RGS6: variants seen among roughly 807,000 people sequenced by gnomAD.
RGS6 encodes the protein regulator of G protein signaling 6, also known as regulator of G-protein signaling 6.
In RGS6, 30 loss-of-function variants were observed where a neutral mutation model predicts 78.5. The observed-to-expected ratio is 0.38, with a 90% confidence interval of 0.29 to 0.52. The LOEUF is 0.52. Among genes scored for constraint, RGS6 ranks in the 20% least tolerant of loss-of-function variants. The pLI is 0.85. For synonymous variants in RGS6, 206 were observed against 206.0 expected (o/e 1.00, Z 0.00); for missense variants, 495 against 609.7 (o/e 0.81, Z 1.98).
At chr14:72,422,036 T>A (rs998357247) in intron 3 of RGS6, among the ~76,000 whole-genome samples, 3 of 152,168 alleles carry the variant, frequency 2.0e-5, no homozygotes, top group African/African-American at 7.2e-5. Context: ...ATGCTGTTCT[T>A]GTGATACAGA....
intron 15 of RGS6, among the ~76,000 whole-genome samples, chr14:72,529,754 C>T (rs117762159): frequency 0.013 from 1,971 of 152,288 alleles, 22 homozygotes; most frequent in Non-Finnish European, 0.02. Context: ...ACCACCATTC[C>T]CCACTTGTAG....
chr14:72,137,029 A>G (rs2096454840), intron 2 of RGS6, among the ~76,000 whole-genome samples: 1 of 152,122 alleles, frequency 6.6e-6, no homozygotes, highest in Admixed American at 6.5e-5. Flanking sequence ...CCTCTCTATA[A>G]TCCCAATCCT....
chr14:72,006,469 A>G (rs2084580710), intron 2 of RGS6, among the ~76,000 whole-genome samples: 2 of 152,178 alleles, frequency 1.3e-5, no homozygotes, highest in Non-Finnish European at 2.9e-5. Flanking sequence ...CCACTAACCT[A>G]TGGAAAGCTA....
At chr14:72,483,483 T>A (rs2096423288) in intron 12 of RGS6, among the ~76,000 whole-genome samples, 1 of 152,090 alleles carries the variant, frequency 6.6e-6, no homozygotes, top group Non-Finnish European at 1.5e-5. Flanking sequence ...TGACCCTCAG[T>A]GATCATGAAA....
At chr14:72,424,748 A>G (rs1425439187) in intron 3 of RGS6, among the ~76,000 whole-genome samples, 1 of 152,312 alleles carries the variant, frequency 6.6e-6, no homozygotes, top group East Asian at 1.9e-4. Context: ...TCTTGTTTAT[A>G]TGGATTTTAT....
At chr14:72,268,944 C>G (rs564922254) in intron 2 of RGS6, among the ~76,000 whole-genome samples, 20 of 152,302 alleles carry the variant, frequency 1.3e-4, no homozygotes, top group African/African-American at 4.8e-4. Flanking sequence ...ACACTGCTGG[C>G]AATTCGACCT....
At chr14:72,536,577 T>C (rs2097254142) in intron 16 of RGS6, among the ~76,000 whole-genome samples, 1 of 152,002 alleles carries the variant, frequency 6.6e-6, no homozygotes, top group African/African-American at 2.4e-5. Context: ...TGGCTCAGCA[T>C]AGGAGTGCAG....
intron 3 of RGS6, among the ~76,000 whole-genome samples, chr14:72,454,247 C>T (rs935587440): frequency 6.6e-6 from 1 of 152,160 alleles, no homozygotes; most frequent in Non-Finnish European, 1.5e-5. Flanking sequence ...CTTCACCTAG[C>T]ACGTCTCAGG....
chr14:72,056,610 C>T (rs1241978382), intron 2 of RGS6, among the ~76,000 whole-genome samples: 2 of 152,180 alleles, frequency 1.3e-5, no homozygotes, highest in Non-Finnish European at 2.9e-5. Context: ...TATTTCTAAA[C>T]TCATGTACAA....
At chr14:72,201,571 C>T (rs2041597083) in intron 2 of RGS6, among the ~76,000 whole-genome samples, 1 of 152,172 alleles carries the variant, frequency 6.6e-6, no homozygotes, top group Non-Finnish European at 1.5e-5. Context: ...CTACAAGAAT[C>T]TTAATTAAAG....
intron 2 of RGS6, among the ~76,000 whole-genome samples, chr14:72,020,699 A>G (rs2153272974): frequency 6.6e-6 from 1 of 152,240 alleles, no homozygotes; most frequent in South Asian, 2.1e-4. Flanking sequence ...AAGCACTTTA[A>G]TAACAATAAC....
intron 2 of RGS6, among the ~76,000 whole-genome samples, chr14:72,058,886 T>C (rs1025163416): frequency 7.9e-5 from 12 of 152,154 alleles, no homozygotes; most frequent in African/African-American, 2.7e-4. Flanking sequence ...TATCAGCCAC[T>C]TCACAGCTGC....
At chr14:72,071,375 T>C (rs771095732) in intron 2 of RGS6, among the ~76,000 whole-genome samples, 6 of 152,238 alleles carry the variant, frequency 3.9e-5, no homozygotes, top group Admixed American at 6.5e-5. Context: ...CGTACATGTC[T>C]TCTGGTGCAT....
intron 2 of RGS6, among the ~76,000 whole-genome samples, chr14:72,096,187 T>C (rs538361164): frequency 6.6e-6 from 1 of 151,714 alleles, no homozygotes; most frequent in African/African-American, 2.4e-5. Flanking sequence ...GGAGGGAGAA[T>C]TGCTTGAACC....
chr14:72,547,186 AGCAGCAGCACC>A (rs1464910853), intron 17 of RGS6: 4 of 1,534,974 alleles, frequency 2.6e-6, no homozygotes, highest in Non-Finnish European at 1.7e-6. Context: ...CTGTCCGGGG[AGCAGCAGCACC>A]GCAGCAGAGG....
At chr14:72,165,846 C>G (rs1380301308) in intron 2 of RGS6, among the ~76,000 whole-genome samples, 2 of 152,066 alleles carry the variant, frequency 1.3e-5, no homozygotes, top group East Asian at 3.9e-4. Context: ...TGTGTTTATT[C>G]TGCAAGTTAA....
chr14:72,354,790 C>CAA (rs2079907274), intron 3 of RGS6, among the ~76,000 whole-genome samples: 3 of 152,050 alleles, frequency 2.0e-5, no homozygotes, highest in African/African-American at 7.2e-5. Context: ...ACGTTCAGTC[C>CAA]AAAATAGAGC....
At chr14:72,517,087 G>A (rs552663208) in intron 14 of RGS6, among the ~76,000 whole-genome samples, 32 of 151,210 alleles carry the variant, frequency 2.1e-4, no homozygotes, top group Middle Eastern at 3.4e-3. Context: ...CATGCACTTG[G>A]CTCCAAAGAC....
the RGS6 span, among the ~76,000 whole-genome samples, chr14:72,572,619 G>C: frequency 6.6e-6 from 1 of 152,176 alleles, no homozygotes; most frequent in Non-Finnish European, 1.5e-5. Flanking sequence ...ACAGAAAGTA[G>C]ACTAGTTGTT....
Sources: allele counts gnomAD v4.1 joint callset (sites outside exome capture counted in the v4.1 genomes callset), GRCh38; gene constraint gnomAD v4.1.1; transcripts MANE v1.5; gene names NCBI Gene and HGNC (gene_info 2026-07-23, HGNC 2026-07-21).